CCSER1: variants seen among roughly 807,000 people sequenced by gnomAD.
CCSER1 encodes serine-rich coiled-coil domain-containing protein 1.
A neutral mutation model predicts 82.0 loss-of-function variants in CCSER1; 41 were observed. That is an observed-to-expected ratio of 0.50 (90% CI 0.39 to 0.65). The LOEUF is 0.65. Ranked by LOEUF, CCSER1 falls within the 30% of genes least tolerant of loss-of-function variation. The probability of loss-of-function intolerance (pLI) is 0.00; values close to 1 mark genes in which losing one functional copy is unlikely to be tolerated. For synonymous variants in CCSER1, 414 were observed against 383.9 expected (o/e 1.08, Z -0.92); for missense variants, 1,119 against 1,064.2 (o/e 1.05, Z -0.72).
chr4:90,685,343 A>C (rs1252867873), intron 6 of CCSER1, among the ~76,000 whole-genome samples: 1 of 152,106 alleles, frequency 6.6e-6, no homozygotes, highest in Non-Finnish European at 1.5e-5. Flanking sequence ...GAATCAAGGA[A>C]ATTTTCCTGT....
chr4:90,148,157 C>T (rs114837622), intron 1 of CCSER1, among the ~76,000 whole-genome samples: 4,420 of 151,868 alleles, frequency 0.029, 106 homozygotes, highest in South Asian at 0.06. Context: ...ACAGCAATAC[C>T]CTGTCTCAAA....
chr4:91,422,459 T>G (rs1449168634), intron 10 of CCSER1, among the ~76,000 whole-genome samples: 2 of 152,178 alleles, frequency 1.3e-5, no homozygotes, highest in Non-Finnish European at 2.9e-5. Flanking sequence ...ATTGCCTAAT[T>G]GTGTGTCATA....
chr4:91,366,556 A>ATTAG (rs1479265170), intron 10 of CCSER1, among the ~76,000 whole-genome samples: 1 of 152,230 alleles, frequency 6.6e-6, no homozygotes, highest in Non-Finnish European at 1.5e-5. Context: ...GTCCATTTAA[A>ATTAG]TTAGTTTATA....
chr4:91,179,891 T>A (rs1231912206), intron 10 of CCSER1, among the ~76,000 whole-genome samples: 1 of 152,214 alleles, frequency 6.6e-6, no homozygotes, highest in African/African-American at 2.4e-5. Context: ...GCGCTCTGAT[T>A]TTTAGAATTT....
At chr4:91,419,649 A>T (rs553925745) in intron 10 of CCSER1, among the ~76,000 whole-genome samples, 1 of 152,052 alleles carries the variant, frequency 6.6e-6, no homozygotes, top group Non-Finnish European at 1.5e-5. Context: ...CTATAAATTC[A>T]TTGCAATCCT....
intron 6 of CCSER1, among the ~76,000 whole-genome samples, chr4:90,637,795 G>C (rs78337884): frequency 0.053 from 8,042 of 152,046 alleles, 331 homozygotes; most frequent in East Asian, 0.18. Context: ...TCTAACCTCT[G>C]GGCAATTCTT....
rs368531008 is a variant in CCSER1, at chr4:90,514,066, G to A, written c.1724+45712G>A. On this transcript the variant is annotated intron_variant, in intron 5 of 10. Coordinates refer to ENST00000509176, the MANE Select transcript of CCSER1 (RefSeq NM_001145065.2). The stretch of plus-strand genomic sequence containing the variant: ...GATTTCAGCTAGAGCTCATGGAGAA[G>A]AACATTTACAAAGGAGAAGTTGAGA... Among the ~76,000 whole-genome samples the A allele has an allele frequency of 3.5e-4, 54 of 152,248 alleles. No homozygotes were observed. The South Asian group carries it at 5.6e-3, about 16-fold the overall frequency.
At chr4:90,550,498 T>C (rs1292759252) in intron 5 of CCSER1, among the ~76,000 whole-genome samples, 1 of 152,160 alleles carries the variant, frequency 6.6e-6, no homozygotes, top group African/African-American at 2.4e-5. Context: ...TTTGCATTTC[T>C]TTCACAATTT....
intron 6 of CCSER1, among the ~76,000 whole-genome samples, chr4:90,634,711 A>G (rs2148950363): frequency 6.6e-6 from 1 of 151,950 alleles, no homozygotes; most frequent in African/African-American, 2.4e-5. Flanking sequence ...TCATAAAGTA[A>G]AGAAATATCC....
At chr4:90,253,567 G>C (rs565064499) in intron 1 of CCSER1, among the ~76,000 whole-genome samples, 1 of 151,908 alleles carries the variant, frequency 6.6e-6, no homozygotes, top group African/African-American at 2.4e-5. Flanking sequence ...TTGTTATTGG[G>C]GTTCCTTAAT....
chr4:90,314,901 C>T (rs1735913735), intron 3 of CCSER1, among the ~76,000 whole-genome samples: 1 of 118,270 alleles, frequency 8.5e-6, no homozygotes, highest in Admixed American at 1.2e-4. Context: ...GGCTGGAGTG[C>T]ACTGGTGCGA....
intron 1 of CCSER1, among the ~76,000 whole-genome samples, chr4:90,200,243 CAAAGT>C (rs1393494572): frequency 2.0e-5 from 3 of 152,090 alleles, no homozygotes; most frequent in African/African-American, 7.2e-5. Flanking sequence ...AATATTTTCT[CAAAGT>C]AAGCAGAATC....
chr4:90,992,286 C>T (rs910148383), intron 9 of CCSER1, among the ~76,000 whole-genome samples: 11 of 151,954 alleles, frequency 7.2e-5, no homozygotes, highest in Non-Finnish European at 1.6e-4. Flanking sequence ...GCAGATACAT[C>T]GAGTGGGAAT....
chr4:90,879,597 GGAGGAA>G (rs1472976141), intron 8 of CCSER1, among the ~76,000 whole-genome samples: 4 of 114,984 alleles, frequency 3.5e-5, no homozygotes, highest in South Asian at 3.0e-4. Context: ...AGGAGGAGGA[GGAGGAA>G]GAAGAGGAGG....
intron 7 of CCSER1, among the ~76,000 whole-genome samples, chr4:90,788,556 G>A (rs1197680309): frequency 2.0e-5 from 3 of 152,126 alleles, no homozygotes; most frequent in African/African-American, 7.2e-5. Context: ...CCCTGTAGGT[G>A]TCCTTTGTGT....
rs189619152 is a variant in CCSER1 at position 91,580,364 on chromosome 4, C to G, written c.2218-18208C>G. ...TGTGTGCCAGGTATTGTGCTAAGCA[C>G]ATTCCATACAGTAGCTCATTTGATT... On this transcript the variant is annotated intron_variant, in intron 10 of 10. Coordinates refer to ENST00000509176, the MANE Select transcript of CCSER1 (RefSeq NM_001145065.2). 1.3e-4 allele frequency among the ~76,000 whole-genome samples: 20 copies of G among 151,950 alleles called. No homozygotes were observed. In the East Asian group the frequency reaches 3.9e-3, roughly 29 times the overall value.
intron 8 of CCSER1, among the ~76,000 whole-genome samples, chr4:90,910,988 C>T (rs1343996988): frequency 6.6e-6 from 1 of 152,150 alleles, no homozygotes; most frequent in African/African-American, 2.4e-5. Context: ...AAAATATGTT[C>T]TAACCTCTTA....
intron 10 of CCSER1, among the ~76,000 whole-genome samples, chr4:91,439,144 C>A (rs1489578401): frequency 1.3e-5 from 2 of 152,136 alleles, no homozygotes; most frequent in East Asian, 1.9e-4. Context: ...CACAAAGATA[C>A]TCCTCGAGAA....
intron 3 of CCSER1, among the ~76,000 whole-genome samples, chr4:90,377,393 G>T (rs1748506971): frequency 1.3e-5 from 2 of 152,074 alleles, no homozygotes; most frequent in African/African-American, 4.8e-5. Flanking sequence ...ATCTGAACAT[G>T]TGCCAAACTA....
Sources: gnomAD v4.1 joint callset for allele counts (sites outside exome capture counted in the v4.1 genomes callset) on GRCh38, gnomAD v4.1.1 for gene constraint, MANE v1.5 for transcripts, NCBI Gene and HGNC (gene_info 2026-07-23, HGNC 2026-07-21) for gene names.